EDNRA: variants seen among roughly 807,000 people sequenced by gnomAD.
EDNRA encodes endothelin-1 receptor.
Under a neutral mutation model 41.4 loss-of-function variants are expected in EDNRA, and 11 were observed. That is an observed-to-expected ratio of 0.27 (90% CI 0.17 to 0.44). EDNRA has a LOEUF of 0.44. Ranked by LOEUF, EDNRA falls within the 20% of genes least tolerant of loss-of-function variation. The pLI is 1.00. For missense variants in EDNRA, 294 were observed against 531.0 expected (o/e 0.55, Z 4.39); for synonymous variants, 172 against 183.0 (o/e 0.94, Z 0.49).
intron 3 of EDNRA, among the ~76,000 whole-genome samples, chr4:147,531,942 G>A (rs533360801): frequency 5.6e-4 from 84 of 150,566 alleles, no homozygotes; most frequent in Non-Finnish European, 5.6e-4. Context: ...CCTGGGAGGC[G>A]GAGCTTGCAG....
At chr4:147,539,754 G>A in intron 5 of EDNRA, 63 bp from the exon 6 acceptor site, 1 of 1,555,622 alleles carries the variant, frequency 6.4e-7, no homozygotes, top group Admixed American at 1.9e-5. Context: ...TGGTACTGTA[G>A]TTCTTGCATC....
rs566047974 is a variant in EDNRA at position 147,540,202 on chromosome 4, C to A, written c.1035-175C>A. Among the ~76,000 whole-genome samples the A allele has an allele frequency of 5.4e-3, 817 of 152,282 alleles. 1 individual carries two copies. The highest frequency in any genetic ancestry group is 0.014 in the Middle Eastern group (4 of 294). ...TAACCAACTAGTGATGTATCTGTAACTGTCCTGCAAAACTGAAACTGCCGT... is the reference window on the plus strand; with the variant it reads ...TAACCAACTAGTGATGTATCTGTAAATGTCCTGCAAAACTGAAACTGCCGT... On this transcript the variant is annotated intron_variant, in intron 6 of 7. Coordinates refer to ENST00000651419, the MANE Select transcript of EDNRA (RefSeq NM_001957.4).
intron 2 of EDNRA, among the ~76,000 whole-genome samples, chr4:147,512,545 C>T (rs904406382): frequency 4.6e-5 from 7 of 152,210 alleles, no homozygotes; most frequent in African/African-American, 1.7e-4. Flanking sequence ...CCTCAGAATC[C>T]ATCTCCTACG....
intron 2 of EDNRA, among the ~76,000 whole-genome samples, chr4:147,504,313 C>G (rs759568221): frequency 2.6e-5 from 4 of 152,204 alleles, no homozygotes; most frequent in Non-Finnish European, 5.9e-5. Flanking sequence ...TATGTTGTCT[C>G]TCTTGTACTT....
chr4:147,484,258 TTAAAAA>T lies in EDNRA; in HGVS notation c.-70-1349_-70-1344del, dbSNP rs1395346547. 7.3e-5 allele frequency among the ~76,000 whole-genome samples: 11 copies of T among 151,004 alleles called. No individual in the cohort carries two copies. The South Asian group carries it at 2.3e-3, about 32-fold the overall frequency. ...GGACCACTTGCTCTCTGCAAGTGAC[TTAAAAA>T]TAAATAAATAAATAAATAAACCACA... On this transcript the variant is annotated intron_variant, in intron 1 of 7. Coordinates refer to ENST00000651419, the MANE Select transcript of EDNRA (RefSeq NM_001957.4).
At chr4:147,532,476 A>G in intron 3 of EDNRA, 30 bp from the exon 4 acceptor site, 2 of 1,606,700 alleles carry the variant, frequency 1.2e-6, no homozygotes, top group Non-Finnish European at 1.7e-6. Context: ...AAATTTCCTA[A>G]CAACTTGGTT....
At chr4:147,507,090 CCTTGCTGTAT>C (rs1051133588) in intron 2 of EDNRA, among the ~76,000 whole-genome samples, 19 of 151,904 alleles carry the variant, frequency 1.3e-4, no homozygotes, top group Non-Finnish European at 2.4e-4. Context: ...GACTCTCTGC[CCTTGCTGTAT>C]CTCTGAGGAG....
chr4:147,529,000 T>C (rs562361305), intron 3 of EDNRA, among the ~76,000 whole-genome samples: 180 of 152,324 alleles, frequency 1.2e-3, no homozygotes, highest in African/African-American at 4.2e-3. Flanking sequence ...CAGACGAGGC[T>C]GTGGCAAAGC....
At chr4:147,513,498 A>G (rs1489079395) in intron 2 of EDNRA, among the ~76,000 whole-genome samples, 1 of 152,232 alleles carries the variant, frequency 6.6e-6, no homozygotes, top group East Asian at 1.9e-4. Context: ...GCACGTTCTC[A>G]TAAATGGCCT....
chr4:147,528,364 T>C (rs1477613551), intron 3 of EDNRA, among the ~76,000 whole-genome samples: 1 of 150,748 alleles, frequency 6.6e-6, no homozygotes, highest in African/African-American at 2.4e-5. Context: ...TTTCTTTTTT[T>C]TTTTTTTTTT....
chr4:147,484,968 T>C (rs748533583), intron 1 of EDNRA, among the ~76,000 whole-genome samples: 2 of 152,256 alleles, frequency 1.3e-5, no homozygotes, highest in Non-Finnish European at 2.9e-5. Context: ...TTCATCCCTA[T>C]GTTCATTATT....
Position 147,519,781 on chromosome 4 carries a change from T to A in EDNRA, c.421-70T>A, listed in dbSNP as rs562310638. The A allele has an allele frequency of 6.5e-7, 1 of 1,544,626 alleles. No homozygotes were observed. Among genetic ancestry groups the A allele is most frequent in the Non-Finnish European group, 8.7e-7 (1 of 1,143,104 alleles). On this transcript the variant is annotated intron_variant, in intron 2 of 7. Coordinates refer to ENST00000651419, the MANE Select transcript of EDNRA (RefSeq NM_001957.4). The surrounding 1 kb of genome is among the most constrained non-coding windows in gnomAD (Gnocchi z 4.1). ...AAATTTAGAAGTTGGGACGCATAACTAAAACTGTAAGTGCCCACATGCTCC... is the reference window on the plus strand; with the variant it reads ...AAATTTAGAAGTTGGGACGCATAACAAAAACTGTAAGTGCCCACATGCTCC...
rs369936798 is a variant in EDNRA, at chr4:147,539,923, T to C, written c.1007T>C (p.Met336Thr). 4.3e-6 allele frequency: 7 copies of C among 1,611,060 alleles called. No individual in the cohort carries two copies. The African/African-American group carries it at 8.0e-5, about 19-fold the overall frequency. The change falls in exon 6 of 8, where the codon ATG becomes ACG. Residue 336 changes from methionine (M) to threonine (T), a missense_variant. Physicochemically the swap from Met to Thr is moderately conservative, Grantham distance 81. Coordinates refer to ENST00000651419, the MANE Select transcript of EDNRA (RefSeq NM_001957.4). ...TTGAAGAAAACTGTGTATAACGAGA[T>C]GGACAAGAACCGATGTGAATTACTT... ...RILKKTVYNE[M>T]DKNRCELLSF... is the part of the protein sequence containing the mutation.
intron 1 of EDNRA, among the ~76,000 whole-genome samples, chr4:147,485,269 G>T (rs1168032052): frequency 6.6e-6 from 1 of 151,748 alleles, no homozygotes; most frequent in Non-Finnish European, 1.5e-5. Flanking sequence ...GAGAGACAAA[G>T]CTAGAGAGAT....
intron 2 of EDNRA, among the ~76,000 whole-genome samples, chr4:147,511,081 C>T (rs1241130539): frequency 6.6e-6 from 1 of 152,178 alleles, no homozygotes; most frequent in African/African-American, 2.4e-5. Flanking sequence ...TCTAACTTCT[C>T]CTTTAGTATG....
At chr4:147,497,603 G>A (rs1464412340) in intron 2 of EDNRA, among the ~76,000 whole-genome samples, 2 of 151,256 alleles carry the variant, frequency 1.3e-5, no homozygotes, top group South Asian at 4.2e-4. Flanking sequence ...ATGGAGTCTC[G>A]CTCTGTCGCC....
At chr4:147,532,325 C>CAAAAAAAAAAAAAAAAAAAA (rs59851236) in intron 3 of EDNRA, among the ~76,000 whole-genome samples, 181 bp from the exon 4 acceptor site, 5 of 60,388 alleles carry the variant, frequency 8.3e-5, no homozygotes, top group African/African-American at 2.5e-4. Context: ...GATTTTGCCT[C>CAAAAAAAAAAAAAAAAAAAA]AAAAAAAAAA....
In EDNRA at chr4:147,498,636, T is replaced by A. The variant is rs112929542; in HGVS notation, c.420+12535T>A. Among the ~76,000 whole-genome samples, 884 of 152,280 alleles carry A rather than the reference T, an allele frequency of 5.8e-3. 9 individuals carry two copies. Among genetic ancestry groups the A allele is most frequent in the South Asian group, 0.028 (137 of 4,820 alleles). On this transcript the variant is annotated intron_variant, in intron 2 of 7. Coordinates refer to ENST00000651419, the MANE Select transcript of EDNRA (RefSeq NM_001957.4). ...ACTATCTGGCCATTTATGGAAAAAG[T>A]TTGTCAAGCCTGGTGGCATCTCACC... is the stretch of plus-strand genomic sequence containing the variant.
At position 147,486,119 on chromosome 4, in the gene EDNRA, A is replaced by G; in HGVS notation, c.420+18A>G. On this transcript the variant is annotated intron_variant, in intron 2 of 7. Coordinates refer to ENST00000651419, the MANE Select transcript of EDNRA (RefSeq NM_001957.4). The surrounding 1 kb of genome is among the most constrained non-coding windows in gnomAD (Gnocchi z 4.3). ...TATTTAAGGTAGGAAGTAACCACAA[A>G]TGTATTTGCAAATTTAAACCCATGC... 1 of 1,586,380 alleles carries G rather than the reference A, an allele frequency of 6.3e-7. No homozygotes were observed. The highest frequency in any genetic ancestry group is 8.6e-7 in the Non-Finnish European group (1 of 1,163,964).
Sources: allele counts gnomAD v4.1 joint callset (sites outside exome capture counted in the v4.1 genomes callset), GRCh38; gene constraint gnomAD v4.1.1; non-coding constraint Gnocchi (gnomAD v3.1); transcripts MANE v1.5; gene names NCBI Gene and HGNC (gene_info 2026-07-23, HGNC 2026-07-21).